The following GCN1 variants were observed in gnomAD, a reference collection of about 807,000 sequenced individuals.
GCN1 encodes the protein stalled ribosome sensor GCN1.
Under a neutral mutation model 288.4 loss-of-function variants are expected in GCN1, and 90 were observed. The ratio of observed to expected loss-of-function variants is 0.31; its 90% confidence interval spans 0.26 to 0.37. The LOEUF (loss-of-function observed/expected upper bound fraction) is 0.37, where lower values mean the gene tolerates loss of function less well. Ranked by LOEUF, GCN1 falls within the 10% of genes least tolerant of loss-of-function variation. The probability of loss-of-function intolerance (pLI) is 1.00; values close to 1 mark genes in which losing one functional copy is unlikely to be tolerated. For synonymous variants in GCN1, 1,386 were observed against 1,420.2 expected, an observed-to-expected ratio of 0.98 and a Z score of 0.54; for missense variants, 2,586 against 3,419.9, an observed-to-expected ratio of 0.76 and a Z score of 6.08.
At chr12:120,190,455 G>C in intron 1 of GCN1, 55 bp from the exon 2 acceptor site, 2 of 950,878 alleles carry the variant, frequency 2.1e-6, no homozygotes, top group Non-Finnish European at 3.5e-6. Flanking sequence ...AACTATGAGT[G>C]TGTGTGTTGA....
At chr12:120,143,106 T>C (rs1381941868) in intron 42 of GCN1, among the ~76,000 whole-genome samples, 165 bp from the exon 43 acceptor site, 1 of 152,188 alleles carries the variant, frequency 6.6e-6, no homozygotes, top group Non-Finnish European at 1.5e-5. Flanking sequence ...CGCCCACATA[T>C]TTTCCAAGTT....
intron 51 of GCN1, among the ~76,000 whole-genome samples, chr12:120,135,915 C>G (rs1876987323): frequency 6.6e-6 from 1 of 152,004 alleles, no homozygotes; most frequent in African/African-American, 2.4e-5. Context: ...ACTTGGGAGG[C>G]TGAGGCAGAA....
In GCN1 at chr12:120,183,670, T is replaced by C; in HGVS notation, c.325A>G (p.Ser109Gly). The C allele has an allele frequency of 1.3e-6, 2 of 1,599,398 alleles. No homozygotes were observed. Among genetic ancestry groups the C allele is most frequent in the East Asian group, 2.2e-5 (1 of 44,816 alleles). The change falls in exon 5 of 58, where the codon AGT becomes GGT. Residue 109 changes from serine (S) to glycine (G), a missense_variant. Around this residue, in one of 8 missense-constraint regions of GCN1, gnomAD observed 913 missense variants for 1,107.0 expected, o/e 0.82. Transcript: ENST00000300648. ...AAGGCCAGCAAGGCGGCAGAGCCACTGCTCTTACTGCAGAGCAGAGTTGGG... is the reference window on the plus strand; with the variant it reads ...AAGGCCAGCAAGGCGGCAGAGCCACCGCTCTTACTGCAGAGCAGAGTTGGG... ...GSKAGVPSKS[S>G]GSAALLALTW...
chr12:120,149,171 G>C (rs1223802285), intron 36 of GCN1, among the ~76,000 whole-genome samples: 1 of 152,070 alleles, frequency 6.6e-6, no homozygotes, highest in Non-Finnish European at 1.5e-5. Flanking sequence ...TGTGGCTCTT[G>C]TCAGAGACCT....
chr12:120,141,598 GCCT>G (rs1439262513), intron 44 of GCN1, among the ~76,000 whole-genome samples: 1 of 151,982 alleles, frequency 6.6e-6, no homozygotes, highest in Non-Finnish European at 1.5e-5. Context: ...GCTCCTCCCT[GCCT>G]CCTCACTCCA....
At position 120,136,664 on chromosome 12, in the gene GCN1, C is replaced by T. The variant is rs1218249076; in HGVS notation, c.6846G>A (p.Glu2282=). The change falls in exon 51 of 58, where the codon GAG becomes GAA. Residue 2282 remains glutamate, a synonymous_variant. Transcript: ENST00000300648. ...TTACCAAGCCTAAGGCTTTGGCTGC[C>T]TCCTCCTTCTGCTCAGGGCTGCCAG... ...VLTGSPEQKE[E]AAKALGLVIR... 2 of 1,614,128 alleles carry T rather than the reference C, an allele frequency of 1.2e-6. No individual in the cohort carries two copies. Among genetic ancestry groups the T allele is most frequent in the Non-Finnish European group, 8.5e-7 (1 of 1,180,028 alleles).
rs117542428 is a variant in GCN1 at position 120,176,438 on chromosome 12, A to G, written c.839-221T>C. On this transcript the variant is annotated intron_variant, in intron 9 of 57. Transcript: ENST00000300648. ...AACATCCCACCAACACATTTTACTAAGATACACAGGGACAGAGACTCAACC... is the reference window on the plus strand; with the variant it reads ...AACATCCCACCAACACATTTTACTAGGATACACAGGGACAGAGACTCAACC... Among the ~76,000 whole-genome samples the G allele has an allele frequency of 2.3e-3, 357 of 152,268 alleles. 1 individual carries two copies. The highest frequency in any genetic ancestry group is 3.6e-3 in the Non-Finnish European group (246 of 68,022).
At chr12:120,131,156 G>C (rs1212220494) in intron 55 of GCN1, 29 bp downstream of exon 55, 1 of 1,607,006 alleles carries the variant, frequency 6.2e-7, no homozygotes, top group East Asian at 2.2e-5. Flanking sequence ...TGTGGCCTAT[G>C]CCTATGGGAT....
At chr12:120,131,613 G>T (rs1412757822) in intron 54 of GCN1, among the ~76,000 whole-genome samples, 1 of 152,200 alleles carries the variant, frequency 6.6e-6, no homozygotes, top group Non-Finnish European at 1.5e-5. Flanking sequence ...TGCAAATTCA[G>T]TATTGTTTGT....
Position 120,136,611 on chromosome 12 carries a change from C to G in GCN1, c.6899G>C (p.Arg2300Thr). 1 of 1,614,220 alleles carries G rather than the reference C, an allele frequency of 6.2e-7. No homozygotes were observed. The highest frequency in any genetic ancestry group is 8.5e-7 in the Non-Finnish European group (1 of 1,180,026). Residue 2300 changes from arginine to threonine, a missense_variant, in exon 51 of 58, where the codon AGG becomes ACG. Around this residue, in one of 8 missense-constraint regions of GCN1, gnomAD observed 437 missense variants for 570.5 expected, o/e 0.77. Transcript: ENST00000300648. ...VIRLTSADAL[R>T]PSVVSITGPL... is the part of the protein sequence containing the mutation. ...GCCAGTGATGCTGACCACGGAGGGC[C>G]TCAGGGCGTCAGCCGAGGTCAGGCG...
chr12:120,139,126 A>G (rs964430959), intron 45 of GCN1, among the ~76,000 whole-genome samples: 1 of 152,084 alleles, frequency 6.6e-6, no homozygotes, highest in Non-Finnish European at 1.5e-5. Flanking sequence ...CCTGGTCAAC[A>G]TGGCAAAACC....
chr12:120,154,587 CAT>C (rs1877678312), intron 31 of GCN1, among the ~76,000 whole-genome samples: 1 of 152,198 alleles, frequency 6.6e-6, no homozygotes, highest in Admixed American at 6.5e-5. Context: ...TTGTGCCCTG[CAT>C]ATAGATGAGG....
At chr12:120,138,288 G>A (rs770855784) in intron 47 of GCN1, 35 bp downstream of exon 47, 26 of 1,310,458 alleles carry the variant, frequency 2.0e-5, no homozygotes, top group Non-Finnish European at 2.9e-5. Context: ...CAATGCCCTG[G>A]AGCCAGAGGG....
chr12:120,137,955 G>A lies in GCN1; in HGVS notation c.6339C>T (p.Leu2113=). 3.1e-6 allele frequency: 5 copies of A among 1,614,192 alleles called. No individual in the cohort carries two copies. The highest frequency in any genetic ancestry group is 4.2e-6 in the Non-Finnish European group (5 of 1,180,010). The change falls in exon 48 of 58, where the codon CTC becomes CTT. Residue 2113 remains leucine (L), a synonymous_variant. Transcript: ENST00000300648. This position sits in a 1 kb window ranked among gnomAD's most constrained non-coding sequence, Gnocchi z 5.2. The part of the protein sequence containing the change: ...DALTRHLGVI[L]PAVMLALKEK... ...CCTTCAGGGCCAGCATGACCGCTGG[G>A]AGGATCACGCCAAGATGACGGGTGA...
In GCN1 at chr12:120,149,658, C is replaced by T; in HGVS notation, c.4494G>A (p.Val1498=). 1.2e-6 allele frequency: 2 copies of T among 1,614,038 alleles called. No individual in the cohort carries two copies. The highest frequency in any genetic ancestry group is 1.1e-5 in the South Asian group (1 of 91,076). Residue 1498 remains valine (V), a synonymous_variant, in exon 36 of 58, where the codon GTG becomes GTA. Coordinates refer to ENST00000300648, the MANE Select transcript of GCN1 (RefSeq NM_006836.2). ...SNLSAHGVKL[V]LPSLLAALEE... is the part of the protein sequence containing the mutation. ...CCAGGGCAGCCAGTAAGGAGGGGAG[C>T]ACCAGCTTCACCCCGTGAGCACTCA...
intron 44 of GCN1, among the ~76,000 whole-genome samples, chr12:120,141,860 T>G (rs1382309899): frequency 1.3e-5 from 2 of 152,346 alleles, no homozygotes; most frequent in East Asian, 3.9e-4. Context: ...GCATTTGCAG[T>G]GCCATGCAGC....
intron 54 of GCN1, 115 bp downstream of exon 54, chr12:120,131,810 GA>G: frequency 1.4e-6 from 1 of 701,028 alleles, no homozygotes; most frequent in Non-Finnish European, 2.6e-6. Flanking sequence ...GATTCCCAAG[GA>G]AAGGACAGTC....
rs565221624 is a variant in GCN1 at position 120,134,016 on chromosome 12, G to T, written c.7317+275C>A. Among the ~76,000 whole-genome samples, 1 of 152,290 alleles carries T rather than the reference G, an allele frequency of 6.6e-6. No individual in the cohort carries two copies. Among genetic ancestry groups the T allele is most frequent in the Admixed American group, 6.5e-5 (1 of 15,300 alleles). On this transcript the variant is annotated intron_variant, in intron 53 of 57. Transcript: ENST00000300648. This position sits in a 1 kb window ranked among gnomAD's most constrained non-coding sequence, Gnocchi z 5.0. ...TAGGAGGCGGAGGCTGCAGTGAGCCGAGATTGTGCCACTTCACTCCGGCCT... is the reference window on the plus strand; with the variant it reads ...TAGGAGGCGGAGGCTGCAGTGAGCCTAGATTGTGCCACTTCACTCCGGCCT...
chr12:120,168,717 A>G (rs1209390319), intron 15 of GCN1, among the ~76,000 whole-genome samples: 3 of 151,962 alleles, frequency 2.0e-5, no homozygotes, highest in Non-Finnish European at 4.4e-5. Context: ...GCCCTTCCCA[A>G]TACCCACCCC....
Sources: allele counts gnomAD v4.1 joint callset (sites outside exome capture counted in the v4.1 genomes callset), GRCh38; gene constraint gnomAD v4.1.1; regional missense constraint gnomAD v4.1.1; non-coding constraint Gnocchi (gnomAD v3.1); transcripts MANE v1.5; gene names NCBI Gene and HGNC (gene_info 2026-07-23, HGNC 2026-07-21).